ZFHX3: variants seen among roughly 807,000 people sequenced by gnomAD.
The protein encoded by ZFHX3 is zinc finger homeobox 3.
In ZFHX3, 42 loss-of-function variants were observed where a neutral mutation model predicts 279.1. That is an observed-to-expected ratio of 0.15 (90% CI 0.12 to 0.19). ZFHX3 has a LOEUF of 0.19. Among genes scored for constraint, ZFHX3 ranks in the 10% least tolerant of loss-of-function variants. The pLI is 1.00. For missense variants in ZFHX3, 4,981 were observed against 4,754.0 expected (o/e 1.05, Z -1.40); for synonymous variants, 2,293 against 1,957.8 (o/e 1.17, Z -4.52).
In ZFHX3 at chr16:73,856,258, T is replaced by C. The variant is rs187059999; in HGVS notation, c.-1608+35393A>G. On this transcript the variant is annotated intron_variant, in intron 1 of 17. Transcript: ENST00000641206. ...ATTTTTTATTTTGTGTGCTATTCCATAGTTTTAAAAAAACGTTTTACACTA... is the reference window on the plus strand; with the variant it reads ...ATTTTTTATTTTGTGTGCTATTCCACAGTTTTAAAAAAACGTTTTACACTA... Among the ~76,000 whole-genome samples, 732 of 152,332 alleles carry C rather than the reference T, an allele frequency of 4.8e-3. 6 individuals are homozygous for C. Among genetic ancestry groups the C allele is most frequent in the African/African-American group, 0.016 (676 of 41,580 alleles).
intron 1 of ZFHX3, among the ~76,000 whole-genome samples, chr16:72,988,443 C>G (rs1962937699): frequency 6.6e-6 from 1 of 152,232 alleles, no homozygotes; most frequent in South Asian, 2.1e-4. Context: ...GGTCGATATG[C>G]AGGCTGGAAC....
intron 7 of ZFHX3, among the ~76,000 whole-genome samples, chr16:73,100,320 C>T (rs1270695873): frequency 1.3e-5 from 2 of 152,154 alleles, no homozygotes; most frequent in East Asian, 3.9e-4. Flanking sequence ...TTCAAAAACA[C>T]CTTGATCAGA....
At chr16:73,693,878 C>T (rs1175822723) in intron 1 of ZFHX3, among the ~76,000 whole-genome samples, 1 of 152,054 alleles carries the variant, frequency 6.6e-6, no homozygotes, top group Non-Finnish European at 1.5e-5. Flanking sequence ...AAATGGCTCT[C>T]GGGGTAAGAA....
chr16:73,223,413 T>C (rs1246416652), intron 5 of ZFHX3, among the ~76,000 whole-genome samples: 1 of 152,124 alleles, frequency 6.6e-6, no homozygotes, highest in Non-Finnish European at 1.5e-5. Context: ...GCTAAAGACC[T>C]TAACAGACGC....
intron 2 of ZFHX3, among the ~76,000 whole-genome samples, chr16:73,515,133 CT>C (rs1217956803): frequency 1.3e-5 from 2 of 152,222 alleles, no homozygotes; most frequent in African/African-American, 4.8e-5. Context: ...CTGAAGACCC[CT>C]GTCCACACTT....
At chr16:72,951,336 C>T (rs544284281) in intron 2 of ZFHX3, among the ~76,000 whole-genome samples, 5 of 152,028 alleles carry the variant, frequency 3.3e-5, no homozygotes, top group Non-Finnish European at 7.4e-5. Flanking sequence ...TCTCAGCTCA[C>T]GGCAACCTCT....
chr16:73,647,108 G>C (rs1462570336), intron 2 of ZFHX3, among the ~76,000 whole-genome samples: 1 of 151,374 alleles, frequency 6.6e-6, no homozygotes, highest in East Asian at 2.0e-4. Flanking sequence ...CGACTCCCAG[G>C]TTTACGCCAT....
intron 1 of ZFHX3, among the ~76,000 whole-genome samples, chr16:73,765,600 T>C (rs1047341262): frequency 7.2e-5 from 11 of 152,194 alleles, no homozygotes; most frequent in Admixed American, 7.2e-4. Flanking sequence ...GTCAGTTACA[T>C]ATTCATTTCA....
At chr16:73,807,554 A>G (rs1960311480) in intron 1 of ZFHX3, among the ~76,000 whole-genome samples, 1 of 150,930 alleles carries the variant, frequency 6.6e-6, no homozygotes, top group Non-Finnish European at 1.5e-5. Context: ...TCCTGGGCTC[A>G]AGCAATCCTC....
At chr16:73,265,078 C>CGTGTGTGTGT (rs72075949) in intron 4 of ZFHX3, among the ~76,000 whole-genome samples, 15,134 of 145,878 alleles carry the variant, frequency 0.1, 848 homozygotes, top group South Asian at 0.17. Flanking sequence ...CGCATATATG[C>CGTGTGTGTGT]GTGTGTGTGT....
At chr16:72,843,679 A>C (rs952402023) in intron 4 of ZFHX3, among the ~76,000 whole-genome samples, 10 of 152,148 alleles carry the variant, frequency 6.6e-5, no homozygotes, top group Admixed American at 4.6e-4. Context: ...GTGCAGCCTC[A>C]CACCCTGCTC....
chr16:72,927,400 G>A (rs965994023), intron 3 of ZFHX3, among the ~76,000 whole-genome samples: 2 of 152,122 alleles, frequency 1.3e-5, no homozygotes, highest in Admixed American at 6.5e-5. Context: ...TCTTCTGAGG[G>A]CAACACCTGC....
In ZFHX3 at chr16:73,667,851, T is replaced by C. The variant is rs796599785; in HGVS notation, c.-1547+12329A>G. ...GCCTTGCTTGACTTGCACCATCTCA[T>C]CTTCCCTCACTTCCACTTCCCTTGT... On this transcript the variant is annotated intron_variant, in intron 2 of 17. Coordinates refer to the ZFHX3 transcript ENST00000641206. 1.4e-4 allele frequency among the ~76,000 whole-genome samples: 21 copies of C among 152,332 alleles called. 1 individual carries two copies. Among genetic ancestry groups the C allele is most frequent in the African/African-American group, 5.1e-4 (21 of 41,582 alleles).
At chr16:73,180,204 C>G (rs1014196409) in intron 5 of ZFHX3, among the ~76,000 whole-genome samples, 1 of 152,140 alleles carries the variant, frequency 6.6e-6, no homozygotes, top group African/African-American at 2.4e-5. Flanking sequence ...ACTGAGAGAG[C>G]AAGTTGCTCC....
chr16:72,927,950 T>C (rs559129968), intron 3 of ZFHX3, among the ~76,000 whole-genome samples: 121 of 146,544 alleles, frequency 8.3e-4, no homozygotes, highest in Non-Finnish European at 1.5e-3. Flanking sequence ...TCAGTAATTG[T>C]TTAATTCCTG....
At chr16:73,231,578 G>T (rs112548986) in intron 5 of ZFHX3, among the ~76,000 whole-genome samples, 1,924 of 152,222 alleles carry the variant, frequency 0.013, 19 homozygotes, top group Non-Finnish European at 0.021. Context: ...TTTCCTCCAG[G>T]GATCAATAGT....
chr16:72,936,503 A>C (rs140357969), intron 3 of ZFHX3, among the ~76,000 whole-genome samples: 364 of 152,344 alleles, frequency 2.4e-3, no homozygotes, highest in African/African-American at 8.0e-3. Flanking sequence ...GTTGTCAGGG[A>C]AAGCCTCTTT....
intron 1 of ZFHX3, among the ~76,000 whole-genome samples, chr16:73,773,147 G>C (rs191896260): frequency 5.5e-4 from 83 of 152,274 alleles, no homozygotes; most frequent in South Asian, 1.5e-3. Context: ...TTTAAAATTT[G>C]GTTCCTGGGT....
At chr16:73,851,836 C>T (rs1961601088) in intron 1 of ZFHX3, among the ~76,000 whole-genome samples, 1 of 152,148 alleles carries the variant, frequency 6.6e-6, no homozygotes, top group Admixed American at 6.5e-5. Flanking sequence ...GGTCCCTCCT[C>T]ACACCACCAT....
Sources: gnomAD v4.1 joint callset for allele counts (sites outside exome capture counted in the v4.1 genomes callset) on GRCh38, gnomAD v4.1.1 for gene constraint, MANE v1.5 for transcripts, NCBI Gene and HGNC (gene_info 2026-07-23, HGNC 2026-07-21) for gene names.